MICAL3: variants seen among roughly 807,000 people sequenced by gnomAD.
MICAL3 encodes the protein microtubule associated monooxygenase, calponin and LIM domain containing 3, also known as [F-actin]-monooxygenase MICAL3.
A neutral mutation model predicts 207.4 loss-of-function variants in MICAL3; 62 were observed. That is an observed-to-expected ratio of 0.30 (90% CI 0.24 to 0.37). MICAL3 has a LOEUF of 0.37. Ranked by LOEUF, MICAL3 falls within the 10% of genes least tolerant of loss-of-function variation. The pLI, the probability that MICAL3 is intolerant of heterozygous loss-of-function variation, is 1.00. For missense variants in MICAL3, 2,368 were observed against 2,635.6 expected (o/e 0.90, Z 2.22); for synonymous variants, 1,077 against 1,069.3 (o/e 1.01, Z -0.14).
intron 16 of MICAL3, chr22:17,872,825 C>T (rs781177663): frequency 1.9e-6 from 3 of 1,612,440 alleles, no homozygotes; most frequent in Non-Finnish European, 2.5e-6. Flanking sequence ...CCAATGAGCT[C>T]ACTCCGCCCG....
rs766921230 is a variant in MICAL3 at position 17,818,650 on chromosome 22, G to T, written c.4011C>A (p.Ser1337Arg). 1 of 1,613,660 alleles carries T rather than the reference G, an allele frequency of 6.2e-7. No homozygotes were observed. Among genetic ancestry groups the T allele is most frequent in the Non-Finnish European group, 8.5e-7 (1 of 1,179,896 alleles). ...FWMKSAEIRRSLGLTPVDRSK... is the reference protein window; with the variant it reads ...FWMKSAEIRRRLGLTPVDRSK... ...TGCGGTCCACAGGTGTGAGCCCGAG[G>T]CTGCGGCGGATCTCCGCACTCTTCA... is the stretch of plus-strand genomic sequence containing the variant. Residue 1337 changes from serine (S) to arginine (R), a missense_variant, in exon 26 of 32, where the codon AGC (serine) becomes AGA (arginine). Coordinates refer to ENST00000441493, the MANE Select transcript of MICAL3 (RefSeq NM_015241.3).
intron 27 of MICAL3, among the ~76,000 whole-genome samples, chr22:17,815,990 CG>C (rs1444571601): frequency 6.6e-6 from 1 of 152,228 alleles, no homozygotes; most frequent in African/African-American, 2.4e-5. Flanking sequence ...AGGAGACAGC[CG>C]GGTTGCCCCC....
chr22:17,981,509 A>G (rs1392076710), intron 1 of MICAL3, among the ~76,000 whole-genome samples: 1 of 140,792 alleles, frequency 7.1e-6, no homozygotes, highest in African/African-American at 2.5e-5. Flanking sequence ...TTAAACTGCA[A>G]TGTTAAATTT....
chr22:17,991,430 G>T (rs1921671691), intron 1 of MICAL3, among the ~76,000 whole-genome samples: 1 of 152,214 alleles, frequency 6.6e-6, no homozygotes, highest in Non-Finnish European at 1.5e-5. Context: ...TTCAAGTCAA[G>T]ACGTACAGAT....
At chr22:17,914,088 G>A (rs1049765253) in intron 1 of MICAL3, among the ~76,000 whole-genome samples, 4 of 152,184 alleles carry the variant, frequency 2.6e-5, no homozygotes, top group Admixed American at 2.0e-4. Context: ...TTATCATCCA[G>A]CAGTTTATCA....
At chr22:17,825,501 T>C (rs1022127009) in intron 22 of MICAL3, among the ~76,000 whole-genome samples, 2 of 152,100 alleles carry the variant, frequency 1.3e-5, no homozygotes, top group African/African-American at 2.4e-5. Context: ...GGACCCAAGC[T>C]ATCTAGAAGA....
chr22:17,999,501 G>A (rs569991775), intron 1 of MICAL3, among the ~76,000 whole-genome samples: 3 of 152,292 alleles, frequency 2.0e-5, no homozygotes, highest in Non-Finnish European at 4.4e-5. Context: ...CAAACCCAAG[G>A]AAGAGAGGAA....
Position 18,013,481 on chromosome 22 carries a change from G to A in MICAL3, c.-75+10800C>T, listed in dbSNP as rs7286182. Among the ~76,000 whole-genome samples the A allele has an allele frequency of 2.6e-3, 401 of 152,310 alleles. 1 individual carries two copies. Among genetic ancestry groups the A allele is most frequent in the African/African-American group, 9.4e-3 (389 of 41,578 alleles). On this transcript the variant is annotated intron_variant, in intron 1 of 31. Coordinates refer to ENST00000441493, the MANE Select transcript of MICAL3 (RefSeq NM_015241.3). ...CTAATGAGTGTCACAGTCAGAATCT[G>A]AACCCAAGTCTGTCTGATGTGGGGT... is the stretch of plus-strand genomic sequence containing the variant.
At chr22:17,849,758 A>G (rs1274032702) in intron 19 of MICAL3, among the ~76,000 whole-genome samples, 1 of 139,172 alleles carries the variant, frequency 7.2e-6, no homozygotes, top group Admixed American at 7.8e-5. Flanking sequence ...GCAGTGGTGC[A>G]ACCTCGGCTC....
intron 1 of MICAL3, among the ~76,000 whole-genome samples, chr22:17,921,513 G>C (rs1027643934): frequency 1.2e-4 from 19 of 152,126 alleles, no homozygotes; most frequent in African/African-American, 4.6e-4. Context: ...GTGTGTGATG[G>C]AGTCTTGCTC....
At chr22:17,968,005 G>A (rs1360526486) in intron 1 of MICAL3, among the ~76,000 whole-genome samples, 2 of 150,584 alleles carry the variant, frequency 1.3e-5, no homozygotes, top group African/African-American at 4.9e-5. Context: ...GTTGCACCCT[G>A]TACTTCAGCC....
chr22:18,018,768 C>CACACACACACACATACACACA (rs1569169310), intron 1 of MICAL3, among the ~76,000 whole-genome samples: 5,150 of 137,844 alleles, frequency 0.037, 204 homozygotes, highest in African/African-American at 0.093. Context: ...ATCTATCTAT[C>CACACACACACACATACACACA]TACACACACA....
chr22:17,795,696 C>A (rs1401626222), intron 29 of MICAL3, among the ~76,000 whole-genome samples: 2 of 152,256 alleles, frequency 1.3e-5, no homozygotes, highest in Non-Finnish European at 2.9e-5. Flanking sequence ...CGCGTGTGAG[C>A]GGCCGGCGAG....
intron 1 of MICAL3, among the ~76,000 whole-genome samples, chr22:17,964,348 C>G (rs5992135): frequency 4.6e-5 from 7 of 152,050 alleles, no homozygotes; most frequent in African/African-American, 1.7e-4. Flanking sequence ...TGCAAAGCCC[C>G]GTCTCCCAGC....
chr22:17,993,433 CT>C (rs1366750352), intron 1 of MICAL3, among the ~76,000 whole-genome samples: 1 of 152,190 alleles, frequency 6.6e-6, no homozygotes, highest in African/African-American at 2.4e-5. Flanking sequence ...TCCTCCACCC[CT>C]GGCCCAGCTC....
intron 29 of MICAL3, chr22:17,803,690 T>C (rs1198374935): frequency 6.7e-6 from 2 of 298,702 alleles, no homozygotes; most frequent in South Asian, 1.3e-4. Context: ...AAAGGGTCTG[T>C]GCTTTTGCCA....
intron 19 of MICAL3, among the ~76,000 whole-genome samples, chr22:17,854,173 C>A (rs1362809863): frequency 6.6e-6 from 1 of 152,140 alleles, no homozygotes; most frequent in Non-Finnish European, 1.5e-5. Context: ...GATTTTTCCC[C>A]TGGGTCACTT....
Position 17,841,370 on chromosome 22 carries a change from C to A in MICAL3, c.2801+452G>T. 7.9e-6 allele frequency: 2 copies of A among 253,422 alleles called. No homozygotes were observed. The highest frequency in any genetic ancestry group is 1.5e-5 in the Non-Finnish European group (2 of 130,340). 15.7% of individuals were successfully genotyped at this position (253,422 alleles called of 1,614,324 possible). A position where few individuals can be genotyped will look rare whatever the true frequency, so the allele number is the denominator to read the frequency against. On this transcript the variant is annotated intron_variant, in intron 20 of 31. Transcript: ENST00000441493. This position sits in a 1 kb window ranked among gnomAD's most constrained non-coding sequence, Gnocchi z 4.2. Reference sequence around the variant, plus strand: ...CATCCACTGGTGCTGCATGCGGCCCCTGGGGCACACATTTTCAGTCCCTTT... The same window carrying A: ...CATCCACTGGTGCTGCATGCGGCCCATGGGGCACACATTTTCAGTCCCTTT...
At chr22:17,819,434 G>A (rs1299794241) in intron 25 of MICAL3, among the ~76,000 whole-genome samples, 1 of 152,160 alleles carries the variant, frequency 6.6e-6, no homozygotes, top group Non-Finnish European at 1.5e-5. Flanking sequence ...AAAGGACATA[G>A]AGGAATGCAG....
Sources: allele counts gnomAD v4.1 joint callset (sites outside exome capture counted in the v4.1 genomes callset), GRCh38; gene constraint gnomAD v4.1.1; non-coding constraint Gnocchi (gnomAD v3.1); transcripts MANE v1.5; gene names NCBI Gene and HGNC (gene_info 2026-07-23, HGNC 2026-07-21).